Variants in CEP120 observed in about 807,000 individuals in gnomAD.
CEP120 encodes the protein centrosomal protein of 120 kDa.
A neutral mutation model predicts 126.5 loss-of-function variants in CEP120; 113 were observed. The observed-to-expected ratio is 0.89, with a 90% CI of 0.77 to 1.04. The LOEUF (loss-of-function observed/expected upper bound fraction) is 1.04. CEP120 is among the 50% of genes least tolerant of loss of function. The pLI, the probability that CEP120 is intolerant of heterozygous loss-of-function variation, is 0.00. For synonymous variants in CEP120, 400 were observed against 394.3 expected (o/e 1.01, Z -0.17); for missense variants, 1,230 against 1,155.7 (o/e 1.06, Z -0.93).
intron 4 of CEP120, 48 bp from the exon 5 acceptor site, chr5:123,399,332 C>T (rs754193341): frequency 1.9e-6 from 3 of 1,563,740 alleles, no homozygotes; most frequent in African/African-American, 2.7e-5. Flanking sequence ...TTGTCATAAA[C>T]CATTATAAGA....
intron 2 of CEP120, among the ~76,000 whole-genome samples, 170 bp downstream of exon 2, chr5:123,418,189 T>C (rs1774494600): frequency 6.6e-6 from 1 of 150,710 alleles, no homozygotes; most frequent in East Asian, 2.0e-4. Context: ...AACAAATAAA[T>C]TTCATGTTTA....
chr5:123,360,381 A>C (rs944406070), intron 18 of CEP120, among the ~76,000 whole-genome samples: 3 of 151,824 alleles, frequency 2.0e-5, no homozygotes, highest in African/African-American at 7.2e-5. Flanking sequence ...AGTCTGCAGA[A>C]CATCAATGAT....
At chr5:123,346,969 T>TAC (rs776421862) in intron 19 of CEP120, among the ~76,000 whole-genome samples, 9 of 152,088 alleles carry the variant, frequency 5.9e-5, no homozygotes, top group Non-Finnish European at 1.3e-4. Context: ...TAATTACAAA[T>TAC]ACATGAAAAC....
At chr5:123,400,824 G>A in intron 4 of CEP120, 1 of 839,812 alleles carries the variant, frequency 1.2e-6, no homozygotes, top group Non-Finnish European at 2.0e-6. Flanking sequence ...CCTCAGGTGG[G>A]TCTCCTGTTC....
Position 123,357,442 on chromosome 5 carries a change from A to T in CEP120, c.2580+7054T>A, listed in dbSNP as rs1440250931. Among the ~76,000 whole-genome samples the T allele has an allele frequency of 2.0e-5, 3 of 152,120 alleles. No homozygotes were observed. In the South Asian group the frequency reaches 6.2e-4, roughly 32 times the overall value. On this transcript the variant is annotated intron_variant, in intron 18 of 19. Coordinates refer to ENST00000306467, the MANE Select transcript of CEP120 (RefSeq NM_001375405.1). ...CACTTCTCTAATACATTTCTTCATC[A>T]TATCACCTATTTTCTAGAGTATAAT...
At chr5:123,419,566 A>AAC (rs932407549) in intron 1 of CEP120, among the ~76,000 whole-genome samples, 1 of 151,554 alleles carries the variant, frequency 6.6e-6, no homozygotes, top group Non-Finnish European at 1.5e-5. Context: ...AAAAAAAAAA[A>AAC]CAGAATACTT....
At chr5:123,349,582 G>GC (rs1269878913) in intron 19 of CEP120, among the ~76,000 whole-genome samples, 1 of 152,078 alleles carries the variant, frequency 6.6e-6, no homozygotes, top group African/African-American at 2.4e-5. Flanking sequence ...GAATGGACTT[G>GC]CCATAGCTGT....
rs776971559 is a variant in CEP120, at chr5:123,390,027, G to A, written c.1152C>T (p.Ser384=). The A allele has an allele frequency of 8.7e-6, 14 of 1,614,002 alleles. No individual in the cohort carries two copies. Among genetic ancestry groups the A allele is most frequent in the Non-Finnish European group, 1.0e-5 (12 of 1,179,954 alleles). ...TLTGPKSPTV[S]PVPSHNQSPP... The stretch of plus-strand genomic sequence containing the variant: ...GTGACTGGTTGTGAGATGGAACAGG[G>A]GACACTGTTGGTGATTTTGGCCCAG... Residue 384 remains serine, a synonymous_variant, in exon 8 of 20, where the codon TCC becomes TCT. Transcript: ENST00000306467.
intron 18 of CEP120, among the ~76,000 whole-genome samples, chr5:123,356,985 T>G (rs959352868): frequency 6.6e-6 from 1 of 152,148 alleles, no homozygotes; most frequent in Non-Finnish European, 1.5e-5. Context: ...AGATTTGCCA[T>G]GACAAATTCT....
At chr5:123,394,095 A>G (rs1772596226) in intron 5 of CEP120, among the ~76,000 whole-genome samples, 2 of 152,224 alleles carry the variant, frequency 1.3e-5, no homozygotes. Context: ...TGTCCTACAA[A>G]ATATATTTTC....
intron 5 of CEP120, among the ~76,000 whole-genome samples, chr5:123,397,762 G>A (rs1029566782): frequency 6.6e-6 from 1 of 152,132 alleles, no homozygotes; most frequent in Non-Finnish European, 1.5e-5. Flanking sequence ...TTGTGAATGT[G>A]GATTACGTGG....
At chr5:123,396,594 C>T (rs1198182150) in intron 5 of CEP120, among the ~76,000 whole-genome samples, 4 of 152,140 alleles carry the variant, frequency 2.6e-5, no homozygotes, top group Non-Finnish European at 5.9e-5. Flanking sequence ...TGGTAGGCAC[C>T]TTAGTAATAT....
intron 16 of CEP120, among the ~76,000 whole-genome samples, chr5:123,375,430 C>T (rs1438035339): frequency 6.6e-6 from 1 of 152,008 alleles, no homozygotes; most frequent in Non-Finnish European, 1.5e-5. Flanking sequence ...TCAAGTGATG[C>T]TCCCACCTCA....
chr5:123,348,652 G>T lies in CEP120; in HGVS notation c.2726+1292C>A, dbSNP rs1453129565. ...CATTTTTCTCCACTTCATACATGGAGATATAATAAGATACTGTTTTAAATG... is the reference window on the plus strand; with the variant it reads ...CATTTTTCTCCACTTCATACATGGATATATAATAAGATACTGTTTTAAATG... On this transcript the variant is annotated intron_variant, in intron 19 of 19. Transcript: ENST00000306467. Among the ~76,000 whole-genome samples the T allele has an allele frequency of 5.3e-5, 8 of 152,282 alleles. No homozygotes were observed. The East Asian group carries it at 1.5e-3, about 29-fold the overall frequency.
At chr5:123,360,153 C>CAGAT in intron 18 of CEP120, among the ~76,000 whole-genome samples, 1 of 151,936 alleles carries the variant, frequency 6.6e-6, no homozygotes, top group East Asian at 1.9e-4. Context: ...TGAACAAAAC[C>CAGAT]AGATAGACGA....
chr5:123,396,217 T>C (rs147203777), intron 5 of CEP120, among the ~76,000 whole-genome samples: 1 of 152,022 alleles, frequency 6.6e-6, no homozygotes, highest in East Asian at 1.9e-4. Flanking sequence ...GGCATCTGGG[T>C]AGTTTTCACC....
At chr5:123,359,565 A>G (rs1364285806) in intron 18 of CEP120, among the ~76,000 whole-genome samples, 1 of 152,030 alleles carries the variant, frequency 6.6e-6, no homozygotes, top group Non-Finnish European at 1.5e-5. Context: ...AAGAAGAAAA[A>G]AAGCAAACTA....
intron 17 of CEP120, among the ~76,000 whole-genome samples, chr5:123,368,736 G>C (rs1580658349): frequency 6.6e-6 from 1 of 151,994 alleles, no homozygotes; most frequent in South Asian, 2.1e-4. Context: ...AATATCAAAA[G>C]ATTATTTGTC....
rs192314911 is a variant in CEP120 at position 123,401,180 on chromosome 5, G to A, written c.464-1896C>T. ...CCTCCAGCAGCTTCTTGTAGGTGGCGATCTCGATGTCCAGGGCCAGCCTGA... is the reference window on the plus strand; with the variant it reads ...CCTCCAGCAGCTTCTTGTAGGTGGCAATCTCGATGTCCAGGGCCAGCCTGA... On this transcript the variant is annotated intron_variant, in intron 4 of 19. Coordinates refer to ENST00000306467, the MANE Select transcript of CEP120 (RefSeq NM_001375405.1). 1.2e-5 allele frequency: 19 copies of A among 1,612,120 alleles called. No homozygotes were observed. The East Asian group carries it at 1.3e-4, about 11-fold the overall frequency.
Sources: gnomAD v4.1 joint callset for allele counts (sites outside exome capture counted in the v4.1 genomes callset) on GRCh38, gnomAD v4.1.1 for gene constraint, MANE v1.5 for transcripts, NCBI Gene and HGNC (gene_info 2026-07-23, HGNC 2026-07-21) for gene names.